TTC9C: variants seen among roughly 807,000 people sequenced by gnomAD.
TTC9C encodes tetratricopeptide repeat protein 9C.
Under a neutral mutation model 22.5 loss-of-function variants are expected in TTC9C, and 15 were observed. The observed-to-expected ratio is 0.67, with a 90% CI of 0.45 to 1.03. TTC9C has a LOEUF of 1.03. Ranked by LOEUF, TTC9C falls within the 50% of genes least tolerant of loss-of-function variation. The pLI, the probability that TTC9C is intolerant of heterozygous loss-of-function variation, is 0.00. For synonymous variants in TTC9C, 92 were observed against 86.8 expected (o/e 1.06, Z -0.33); for missense variants, 244 against 214.6 (o/e 1.14, Z -0.86).
At chr11:62,729,372 TTTTTATTTTATTTTATTTTA>T (rs140723477) in intron 1 of TTC9C, among the ~76,000 whole-genome samples, 2 of 138,290 alleles carry the variant, frequency 1.4e-5, no homozygotes, top group South Asian at 2.3e-4. Context: ...TTTCTTTATT[TTTTTATTTTATTTTATTTTA>T]TTTTATTTTA....
intron 1 of TTC9C, among the ~76,000 whole-genome samples, chr11:62,732,887 A>G (rs976771062): frequency 3.4e-4 from 51 of 151,948 alleles, no homozygotes; most frequent in African/African-American, 1.2e-3. Context: ...GTACCAGTGC[A>G]CTCCAGCCTG....
intron 2 of TTC9C, among the ~76,000 whole-genome samples, chr11:62,736,822 C>G (rs1407506686): frequency 6.6e-6 from 1 of 150,690 alleles, no homozygotes; most frequent in Non-Finnish European, 1.5e-5. Flanking sequence ...GTGTCGCACT[C>G]TAGCCTGGGC....
At chr11:62,730,138 C>G (rs749752064) in intron 1 of TTC9C, among the ~76,000 whole-genome samples, 2 of 151,962 alleles carry the variant, frequency 1.3e-5, no homozygotes, top group Non-Finnish European at 2.9e-5. Flanking sequence ...TGCAATGGCA[C>G]GATCTCGGCT....
At position 62,735,541 on chromosome 11, in the gene TTC9C, C is replaced by G. The variant is rs931961512; in HGVS notation, c.398C>G (p.Ala133Gly). Residue 133 changes from alanine (A) to glycine (G), a missense_variant, in exon 2 of 3, where the codon GCT becomes GGT. Coordinates refer to ENST00000316461, the MANE Select transcript of TTC9C (RefSeq NM_173810.4). ...DYDQARHYLL[A>G]AVNRQPKDAN... ...GACCAGGCCCGCCACTACCTCCTGG[C>G]TGCCGTGAATAGGCAGCCTAAAGGT... 9.3e-6 allele frequency: 15 copies of G among 1,613,456 alleles called. No individual in the cohort carries two copies. The highest frequency in any genetic ancestry group is 1.3e-5 in the Non-Finnish European group (15 of 1,179,606).
chr11:62,729,453 C>T (rs1008076595), intron 1 of TTC9C, among the ~76,000 whole-genome samples: 1 of 151,268 alleles, frequency 6.6e-6, no homozygotes, highest in Non-Finnish European at 1.5e-5. Context: ...GGCTGGAGTG[C>T]ACTGGCGCGG....
chr11:62,738,501 G>A lies in TTC9C; in HGVS notation c.*119G>A. ...ATACCTCTGACCCAGGTGGATTTTT[G>A]TTTCTAGTTCTGCACAAACTTCACT... On this transcript the variant is annotated 3_prime_UTR_variant, in exon 3 of 3. Coordinates refer to ENST00000316461, the MANE Select transcript of TTC9C (RefSeq NM_173810.4). 1 of 662,400 alleles carries A rather than the reference G, an allele frequency of 1.5e-6. No individual in the cohort carries two copies. Among genetic ancestry groups the A allele is most frequent in the Non-Finnish European group, 2.6e-6 (1 of 387,682 alleles). 41.0% of individuals were successfully genotyped at this position (662,400 alleles called of 1,614,324 possible).
upstream of TTC9C, chr11:62,728,331 C>T (rs2083788022): frequency 2.8e-6 from 1 of 360,448 alleles, no homozygotes; most frequent in Non-Finnish European, 5.5e-6. Flanking sequence ...TTCACCTCGG[C>T]TTCCCAGTTT....
chr11:62,734,959 C>T (rs2083893339), intron 1 of TTC9C, among the ~76,000 whole-genome samples: 1 of 152,220 alleles, frequency 6.6e-6, no homozygotes, highest in Non-Finnish European at 1.5e-5. Context: ...TGCAATGGCA[C>T]GATCTCGGCT....
At chr11:62,737,333 C>T (rs539496681) in intron 2 of TTC9C, among the ~76,000 whole-genome samples, 1 of 152,306 alleles carries the variant, frequency 6.6e-6, no homozygotes, top group South Asian at 2.1e-4. Flanking sequence ...TCATTTTTAT[C>T]CTTTAGCTCA....
chr11:62,734,285 G>A (rs756960986), intron 1 of TTC9C, among the ~76,000 whole-genome samples: 2 of 151,272 alleles, frequency 1.3e-5, no homozygotes, highest in Non-Finnish European at 2.9e-5. Flanking sequence ...GCGACAGAGC[G>A]AGACTCCATC....
At chr11:62,737,702 T>G (rs2083927788) in intron 2 of TTC9C, among the ~76,000 whole-genome samples, 1 of 152,244 alleles carries the variant, frequency 6.6e-6, no homozygotes, top group South Asian at 2.1e-4. Flanking sequence ...TCTATTTTAA[T>G]GATAACTGCT....
chr11:62,731,513 C>G lies in TTC9C; in HGVS notation c.238+2427C>G, dbSNP rs575788989. ...TCTGGAAACTGAGGTGGGCCAATGT[C>G]TTGAGCATGGGAGGCCGGGGCTGCA... On this transcript the variant is annotated intron_variant, in intron 1 of 2. Coordinates refer to ENST00000316461, the MANE Select transcript of TTC9C (RefSeq NM_173810.4). 1.1e-4 allele frequency among the ~76,000 whole-genome samples: 17 copies of G among 152,164 alleles called. No individual in the cohort carries two copies. The East Asian group carries it at 2.7e-3, about 24-fold the overall frequency.
chr11:62,734,264 C>T (rs2083885621), intron 1 of TTC9C, among the ~76,000 whole-genome samples: 1 of 151,878 alleles, frequency 6.6e-6, no homozygotes, highest in South Asian at 2.1e-4. Context: ...CGCCATTGCA[C>T]TCCAGCCTGG....
At chr11:62,732,986 TTTTG>T in intron 1 of TTC9C, 1 of 266,408 alleles carries the variant, frequency 3.8e-6, no homozygotes, top group Non-Finnish European at 6.9e-6. Flanking sequence ...TTTTTTTTTT[TTTTG>T]ACCACTTGGT....
chr11:62,729,023 C>T lies in TTC9C; in HGVS notation c.175C>T (p.Leu59Phe). 1 of 1,614,158 alleles carries T rather than the reference C, an allele frequency of 6.2e-7. No individual in the cohort carries two copies. The highest frequency in any genetic ancestry group is 8.5e-7 in the Non-Finnish European group (1 of 1,180,034). Residue 59 changes from leucine (L) to phenylalanine (F), a missense_variant, in exon 1 of 3, where the codon CTC (leucine) becomes TTC (phenylalanine). Leu to Phe is a conservative substitution (Grantham distance 22, BLOSUM62 0). Coordinates refer to ENST00000316461, the MANE Select transcript of TTC9C (RefSeq NM_173810.4). Reference protein sequence around the residue: ...LPNLGPQGPALTPEQENILHT... With the variant: ...LPNLGPQGPAFTPEQENILHT... ...TAATCTCGGACCTCAGGGCCCGGCC[C>T]TCACGCCTGAACAAGAAAACATATT...
Position 62,729,043 on chromosome 11 carries a change from C to T in TTC9C, c.195C>T (p.Asn65=), listed in dbSNP as rs1565168943. 3.1e-6 allele frequency: 5 copies of T among 1,614,008 alleles called. No individual in the cohort carries two copies. The highest frequency in any genetic ancestry group is 4.2e-6 in the Non-Finnish European group (5 of 1,180,032). Reference sequence around the variant, plus strand: ...CGGCCCTCACGCCTGAACAAGAAAACATATTGCATACCACCCAGACAGACT... The same window carrying T: ...CGGCCCTCACGCCTGAACAAGAAAATATATTGCATACCACCCAGACAGACT... ...QGPALTPEQE[N]ILHTTQTDCY... The change falls in exon 1 of 3, where the codon AAC becomes AAT. Residue 65 remains asparagine, a synonymous_variant. Transcript: ENST00000316461.
Position 62,728,991 on chromosome 11 carries a change from C to T in TTC9C, c.143C>T (p.Pro48Leu). Reference protein sequence around the residue: ...LRGLDPSLPSPLPNLGPQGPA... With the variant: ...LRGLDPSLPSLLPNLGPQGPA... ...GGTCTGGATCCGAGTCTGCCCTCTC[C>T]GTTACCTAATCTCGGACCTCAGGGC... The change falls in exon 1 of 3, where the codon CCG becomes CTG. Residue 48 changes from proline (P) to leucine (L), a missense_variant. Transcript: ENST00000316461. 1.9e-6 allele frequency: 3 copies of T among 1,614,130 alleles called. No homozygotes were observed. Among genetic ancestry groups the T allele is most frequent in the Non-Finnish European group, 2.5e-6 (3 of 1,180,014 alleles).
chr11:62,732,770 A>C (rs1349304469), intron 1 of TTC9C, among the ~76,000 whole-genome samples: 1 of 152,020 alleles, frequency 6.6e-6, no homozygotes, highest in Non-Finnish European at 1.5e-5. Flanking sequence ...AATATTTTAA[A>C]AATTAGCTGG....
At chr11:62,729,166 T>G in intron 1 of TTC9C, 80 bp downstream of exon 1, 6 of 1,261,174 alleles carry the variant, frequency 4.8e-6, no homozygotes, top group Non-Finnish European at 6.6e-6. Flanking sequence ...GAAAAAACGC[T>G]GACTTTTTTT....
Sources: allele counts gnomAD v4.1 joint callset (sites outside exome capture counted in the v4.1 genomes callset), GRCh38; gene constraint gnomAD v4.1.1; transcripts MANE v1.5; gene names NCBI Gene and HGNC (gene_info 2026-07-23, HGNC 2026-07-21).